Variants in DOCK3 observed in about 807,000 individuals in gnomAD.
The protein encoded by DOCK3 is dedicator of cytokinesis protein 3.
Under a neutral mutation model 265.6 loss-of-function variants are expected in DOCK3, and 60 were observed. That is an observed-to-expected ratio of 0.23 (90% CI 0.18 to 0.28). The LOEUF is 0.28. Among genes scored for constraint, DOCK3 ranks in the 10% least tolerant of loss-of-function variants. The pLI, the probability that DOCK3 is intolerant of heterozygous loss-of-function variation, is 1.00. For missense variants in DOCK3, 1,981 were observed against 2,594.3 expected, an observed-to-expected ratio of 0.76 and a Z score of 5.14; for synonymous variants, 881 against 938.0, an observed-to-expected ratio of 0.94 and a Z score of 1.11.
chr3:50,763,677 CA>C (rs36071151), intron 1 of DOCK3, among the ~76,000 whole-genome samples: 1 of 152,106 alleles, frequency 6.6e-6, no homozygotes, highest in Non-Finnish European at 1.5e-5. Flanking sequence ...TACAATTGTT[CA>C]AAGTATTTCT....
intron 12 of DOCK3, among the ~76,000 whole-genome samples, chr3:51,207,746 C>T (rs2089293506): frequency 6.6e-6 from 1 of 152,108 alleles, no homozygotes; most frequent in South Asian, 2.1e-4. Flanking sequence ...TGGAAGTGGC[C>T]ATGCTGAACT....
At chr3:50,838,278 A>G (rs1010715383) in intron 2 of DOCK3, among the ~76,000 whole-genome samples, 1 of 152,204 alleles carries the variant, frequency 6.6e-6, no homozygotes, top group South Asian at 2.1e-4. Context: ...ACAGCATTTT[A>G]TAGAATTCAG....
chr3:50,790,104 T>A (rs2042389177), intron 2 of DOCK3, among the ~76,000 whole-genome samples: 2 of 152,218 alleles, frequency 1.3e-5, no homozygotes, highest in South Asian at 4.1e-4. Flanking sequence ...GTTTGTTTCA[T>A]CTGATGTAAG....
intron 6 of DOCK3, among the ~76,000 whole-genome samples, chr3:51,067,585 G>A (rs755543577): frequency 1.9e-4 from 28 of 149,056 alleles, no homozygotes; most frequent in Non-Finnish European, 3.1e-4. Context: ...CCTACTTTCC[G>A]TCTTCTTTTC....
Position 51,212,928 on chromosome 3 carries a change from G to T in DOCK3, c.1127-1194G>T, listed in dbSNP as rs1453327378. ...AGCAACGAGATAATTATGAGGTTCT[G>T]TCCAGGCTCTAGTAGAACCGTATTT... On this transcript the variant is annotated intron_variant, in intron 13 of 52. Transcript: ENST00000266037. 2.6e-5 allele frequency among the ~76,000 whole-genome samples: 4 copies of T among 151,942 alleles called. No homozygotes were observed. The East Asian group carries it at 7.7e-4, about 29-fold the overall frequency.
intron 32 of DOCK3, among the ~76,000 whole-genome samples, chr3:51,324,651 A>G (rs1351607960): frequency 6.6e-6 from 1 of 152,208 alleles, no homozygotes; most frequent in African/African-American, 2.4e-5. Flanking sequence ...ACATCATGCT[A>G]CCTGACTTCA....
At chr3:50,925,072 C>G (rs1158700254) in intron 4 of DOCK3, among the ~76,000 whole-genome samples, 1 of 150,274 alleles carries the variant, frequency 6.7e-6, no homozygotes, top group Non-Finnish European at 1.5e-5. Flanking sequence ...CATTCTGATT[C>G]ACAGGTTACT....
intron 5 of DOCK3, among the ~76,000 whole-genome samples, chr3:50,979,495 A>C (rs2077612616): frequency 6.6e-6 from 1 of 152,076 alleles, no homozygotes; most frequent in Non-Finnish European, 1.5e-5. Flanking sequence ...GGTGTTAAAG[A>C]GTCTGGGACT....
At chr3:51,091,848 C>T (rs1317843135) in intron 9 of DOCK3, among the ~76,000 whole-genome samples, 1 of 152,070 alleles carries the variant, frequency 6.6e-6, no homozygotes, top group East Asian at 1.9e-4. Context: ...GGGTGCAGCC[C>T]ATGGAGGGCA....
intron 1 of DOCK3, among the ~76,000 whole-genome samples, chr3:50,736,178 G>T (rs2038593473): frequency 6.6e-6 from 1 of 152,036 alleles, no homozygotes; most frequent in South Asian, 2.1e-4. Context: ...GCGATAGTTT[G>T]CTGAGAATGA....
At chr3:51,125,404 TC>T (rs1214449374) in intron 9 of DOCK3, among the ~76,000 whole-genome samples, 1 of 152,188 alleles carries the variant, frequency 6.6e-6, no homozygotes, top group African/African-American at 2.4e-5. Flanking sequence ...ATTTTCTAGC[TC>T]CTATTTATAA....
intron 1 of DOCK3, among the ~76,000 whole-genome samples, chr3:50,738,273 A>T (rs190274004): frequency 6.6e-6 from 1 of 152,220 alleles, no homozygotes; most frequent in Admixed American, 6.5e-5. Flanking sequence ...GGTTCATGGA[A>T]GTCAGCCTGG....
At chr3:50,947,917 G>A (rs536598435) in intron 5 of DOCK3, among the ~76,000 whole-genome samples, 32 of 147,488 alleles carry the variant, frequency 2.2e-4, no homozygotes, top group Non-Finnish European at 3.3e-4. Flanking sequence ...GTGCTGTGGC[G>A]CTATCTAGGC....
rs936059277 is a variant in DOCK3, at chr3:51,033,316, C to T, written c.316-31132C>T. ...AATAAGCAGATGTTACTTCTTCAGC[C>T]CTTCAGAAAGTAAACAAGCAAAATG... On this transcript the variant is annotated intron_variant, in intron 5 of 52. Coordinates refer to ENST00000266037, the MANE Select transcript of DOCK3 (RefSeq NM_004947.5). Among the ~76,000 whole-genome samples the T allele has an allele frequency of 3.3e-5, 5 of 152,192 alleles. No individual in the cohort carries two copies. The East Asian group carries it at 9.6e-4, about 29-fold the overall frequency.
chr3:50,970,937 ATATATATATAATG>A (rs2077203997), intron 5 of DOCK3, among the ~76,000 whole-genome samples: 3 of 73,104 alleles, frequency 4.1e-5, no homozygotes, highest in African/African-American at 1.8e-4. Flanking sequence ...ATATATATAT[ATATATATATAATG>A]TGTGTGTGTG....
chr3:50,828,242 C>T (rs1030193200), intron 2 of DOCK3, among the ~76,000 whole-genome samples: 1 of 151,500 alleles, frequency 6.6e-6, no homozygotes, highest in Non-Finnish European at 1.5e-5. Flanking sequence ...AACATGCACT[C>T]TTATTAGAGT....
intron 38 of DOCK3, among the ~76,000 whole-genome samples, chr3:51,341,929 G>A (rs2085269441): frequency 6.6e-6 from 1 of 152,222 alleles, no homozygotes; most frequent in Non-Finnish European, 1.5e-5. Flanking sequence ...GTCAGCACTG[G>A]TTTAGGCTTC....
intron 5 of DOCK3, among the ~76,000 whole-genome samples, chr3:51,017,620 T>G (rs2079405870): frequency 6.6e-6 from 1 of 151,880 alleles, no homozygotes; most frequent in Non-Finnish European, 1.5e-5. Context: ...GACTCACTTT[T>G]CATTCAGGAG....
intron 1 of DOCK3, among the ~76,000 whole-genome samples, chr3:50,680,288 T>C (rs1397486670): frequency 6.6e-6 from 1 of 151,056 alleles, no homozygotes; most frequent in East Asian, 1.9e-4. Context: ...CTCGGCTCAC[T>C]GCAACCTTCG....
Sources: gnomAD v4.1 joint callset for allele counts (sites outside exome capture counted in the v4.1 genomes callset) on GRCh38, gnomAD v4.1.1 for gene constraint, MANE v1.5 for transcripts, NCBI Gene and HGNC (gene_info 2026-07-23, HGNC 2026-07-21) for gene names.